Variants in SGCD observed in about 807,000 individuals in gnomAD.
SGCD encodes delta-sarcoglycan.
SGCD carries 18 observed loss-of-function variants against 36.6 expected under a neutral mutation model. That is an observed-to-expected ratio of 0.49 (90% confidence interval 0.34 to 0.73). The LOEUF (loss-of-function observed/expected upper bound fraction) is 0.73, where lower values mean the gene tolerates loss of function less well. SGCD is among the 30% of genes least tolerant of loss of function. SGCD has a pLI of 0.01. For synonymous variants in SGCD, 133 were observed against 130.6 expected, an observed-to-expected ratio of 1.02 and a Z score of -0.12; for missense variants, 387 against 346.7, an observed-to-expected ratio of 1.12 and a Z score of -0.92.
chr5:156,603,324 T>C (rs1761277228), intron 6 of SGCD, among the ~76,000 whole-genome samples: 1 of 152,088 alleles, frequency 6.6e-6, no homozygotes, highest in Non-Finnish European at 1.5e-5. Context: ...GAGTCTTCTC[T>C]TTTTGTATTA....
chr5:156,356,902 C>A (rs534129944), intron 3 of SGCD, among the ~76,000 whole-genome samples: 1 of 152,106 alleles, frequency 6.6e-6, no homozygotes, highest in South Asian at 2.1e-4. Context: ...ATGATAGGAC[C>A]GCCAATTAAG....
At chr5:155,791,219 T>G in the SGCD span, among the ~76,000 whole-genome samples, 1 of 152,120 alleles carries the variant, frequency 6.6e-6, no homozygotes, top group African/African-American at 2.4e-5. Flanking sequence ...AGGGCTACAG[T>G]TATGGGAAAG....
chr5:156,709,552 G>C (rs928380855), intron 7 of SGCD, among the ~76,000 whole-genome samples: 4 of 152,210 alleles, frequency 2.6e-5, no homozygotes, highest in African/African-American at 9.6e-5. Context: ...ATAAGGGCTG[G>C]AGGGAAGAAT....
At chr5:155,980,224 G>A (rs1213915490) in intron 1 of SGCD, among the ~76,000 whole-genome samples, 1 of 152,110 alleles carries the variant, frequency 6.6e-6, no homozygotes, top group Non-Finnish European at 1.5e-5. Context: ...TGTTGTGGCA[G>A]CCCACACTGA....
intron 3 of SGCD, among the ~76,000 whole-genome samples, chr5:156,400,273 C>A (rs1055168854): frequency 7.9e-5 from 12 of 152,098 alleles, no homozygotes; most frequent in African/African-American, 2.7e-4. Context: ...TTGGTGAGAG[C>A]CAGCATGGAG....
chr5:156,078,342 C>T (rs111420216), intron 1 of SGCD, among the ~76,000 whole-genome samples: 9,820 of 150,936 alleles, frequency 0.065, 1,021 homozygotes, highest in African/African-American at 0.22. Flanking sequence ...GATGAAACCC[C>T]GTCTCTACTA....
At chr5:156,111,398 G>C (rs1176822912) in intron 1 of SGCD, among the ~76,000 whole-genome samples, 2 of 152,166 alleles carry the variant, frequency 1.3e-5, no homozygotes, top group Admixed American at 1.3e-4. Context: ...TTCATTCTAA[G>C]GGCAGTGGGA....
intron 1 of SGCD, among the ~76,000 whole-genome samples, chr5:155,922,258 C>G (rs571104316): frequency 6.6e-6 from 1 of 152,192 alleles, no homozygotes; most frequent in African/African-American, 2.4e-5. Context: ...AGAGTTTTGG[C>G]AGACATGAAT....
chr5:155,830,477 C>T, the SGCD span, among the ~76,000 whole-genome samples: 2 of 152,086 alleles, frequency 1.3e-5, no homozygotes, highest in Non-Finnish European at 2.9e-5. Context: ...ATTTAACATA[C>T]GAATTTTAGG....
At chr5:156,048,803 T>A (rs772771254) in intron 1 of SGCD, among the ~76,000 whole-genome samples, 106 of 152,316 alleles carry the variant, frequency 7.0e-4, no homozygotes, top group Middle Eastern at 3.4e-3. Flanking sequence ...TAGTTTCTTT[T>A]GCTGCGCAGA....
intron 3 of SGCD, among the ~76,000 whole-genome samples, chr5:156,250,904 C>T (rs1181719613): frequency 1.3e-5 from 2 of 152,016 alleles, no homozygotes; most frequent in African/African-American, 4.8e-5. Context: ...TATCTTGTTG[C>T]TCTTTTAATA....
At chr5:156,441,167 G>C (rs1753475755) in intron 3 of SGCD, among the ~76,000 whole-genome samples, 2 of 152,034 alleles carry the variant, frequency 1.3e-5, no homozygotes, top group African/African-American at 4.8e-5. Flanking sequence ...CTTTCTAGTT[G>C]ATACATTATC....
intron 1 of SGCD, among the ~76,000 whole-genome samples, chr5:155,988,107 C>A (rs1394956550): frequency 1.3e-5 from 2 of 152,058 alleles, no homozygotes; most frequent in African/African-American, 4.8e-5. Context: ...GAGTTTAAAC[C>A]CAGATTTTTT....
At chr5:156,559,900 T>C (rs1461867808) in intron 4 of SGCD, among the ~76,000 whole-genome samples, 1 of 152,196 alleles carries the variant, frequency 6.6e-6, no homozygotes, top group Non-Finnish European at 1.5e-5. Context: ...GCAGTGTCAG[T>C]TTCTGTCTAA....
intron 7 of SGCD, among the ~76,000 whole-genome samples, chr5:156,707,684 T>C (rs1356098287): frequency 2.0e-5 from 3 of 152,180 alleles, no homozygotes; most frequent in African/African-American, 7.2e-5. Flanking sequence ...GGACAAGCCA[T>C]TAATAATGTA....
At chr5:155,791,706 A>T in the SGCD span, among the ~76,000 whole-genome samples, 1 of 152,104 alleles carries the variant, frequency 6.6e-6, no homozygotes, top group African/African-American at 2.4e-5. Flanking sequence ...AACCAAGGAG[A>T]TAAGAGATAT....
intron 3 of SGCD, among the ~76,000 whole-genome samples, chr5:156,253,102 T>G (rs540645715): frequency 6.6e-6 from 1 of 152,176 alleles, no homozygotes; most frequent in Non-Finnish European, 1.5e-5. Context: ...GGGTGTTTAT[T>G]AAAGGCAGAG....
At chr5:156,396,328 G>T (rs972152801) in intron 3 of SGCD, among the ~76,000 whole-genome samples, 24 of 152,208 alleles carry the variant, frequency 1.6e-4, no homozygotes, top group African/African-American at 5.6e-4. Flanking sequence ...AAAATATTTC[G>T]ACTGCAATTG....
chr5:156,508,566 C>A, intron 3 of SGCD, 35 bp from the exon 4 acceptor site: 1 of 1,387,980 alleles, frequency 7.2e-7, no homozygotes, highest in Non-Finnish European at 1.0e-6. Flanking sequence ...TTTGGCTAAT[C>A]ATATCTTCCT....
Sources: allele counts gnomAD v4.1 joint callset (sites outside exome capture counted in the v4.1 genomes callset), GRCh38; gene constraint gnomAD v4.1.1; transcripts MANE v1.5; gene names NCBI Gene and HGNC (gene_info 2026-07-23, HGNC 2026-07-21).